Variants in CISD1 observed in about 807,000 individuals in gnomAD.
CISD1 encodes CDGSH iron-sulfur domain-containing protein 1.
In CISD1, 8 loss-of-function variants were observed where a neutral mutation model predicts 12.0. The observed-to-expected ratio is 0.67, with a 90% confidence interval of 0.39 to 1.20. The LOEUF is 1.20. Ranked by LOEUF, CISD1 falls within the 50% of genes most tolerant of loss-of-function variation. CISD1 has a pLI of 0.01. For synonymous variants in CISD1, 38 were observed against 42.2 expected, an observed-to-expected ratio of 0.90 and a Z score of 0.39; for missense variants, 107 against 132.7, an observed-to-expected ratio of 0.81 and a Z score of 0.95.
intron 2 of CISD1, among the ~76,000 whole-genome samples, chr10:58,287,112 G>T (rs1839437142): frequency 6.6e-6 from 1 of 152,060 alleles, no homozygotes; most frequent in South Asian, 2.1e-4. Context: ...GTAGAGACAG[G>T]GTTTCACCAT....
At chr10:58,278,627 C>T (rs1308269752) in intron 2 of CISD1, among the ~76,000 whole-genome samples, 3 of 152,132 alleles carry the variant, frequency 2.0e-5, no homozygotes, top group Non-Finnish European at 2.9e-5. Flanking sequence ...TTTGAAAGCA[C>T]GTTATGTTGG....
chr10:58,274,996 G>A (rs1427795705), intron 1 of CISD1, among the ~76,000 whole-genome samples: 1 of 152,114 alleles, frequency 6.6e-6, no homozygotes, highest in Admixed American at 6.6e-5. Context: ...CTAACCAATT[G>A]TAGTTCTTTG....
At chr10:58,272,253 G>C (rs993081295) in intron 1 of CISD1, among the ~76,000 whole-genome samples, 1 of 146,350 alleles carries the variant, frequency 6.8e-6, no homozygotes, top group African/African-American at 2.5e-5. Flanking sequence ...AACTATACCA[G>C]GTAATTTTGA....
chr10:58,276,931 A>G (rs1183917563), intron 1 of CISD1, among the ~76,000 whole-genome samples, 186 bp from the exon 2 acceptor site: 11 of 152,302 alleles, frequency 7.2e-5, no homozygotes, highest in Admixed American at 2.6e-4. Context: ...AATTGCTTCA[A>G]TAAGGGCCAG....
chr10:58,273,748 G>A (rs1216524296), intron 1 of CISD1, among the ~76,000 whole-genome samples: 1 of 152,224 alleles, frequency 6.6e-6, no homozygotes, highest in Non-Finnish European at 1.5e-5. Flanking sequence ...AATGGTATTT[G>A]TGTAGATATA....
chr10:58,275,007 G>T (rs531298881), intron 1 of CISD1, among the ~76,000 whole-genome samples: 53 of 152,218 alleles, frequency 3.5e-4, no homozygotes, highest in African/African-American at 1.3e-3. Context: ...TAGTTCTTTG[G>T]ATCTCAGGAC....
chr10:58,282,712 T>TA (rs2132283420), intron 2 of CISD1, among the ~76,000 whole-genome samples: 1 of 152,278 alleles, frequency 6.6e-6, no homozygotes, highest in Non-Finnish European at 1.5e-5. Flanking sequence ...CAGGGAAAGA[T>TA]ACTATTTGAG....
intron 2 of CISD1, among the ~76,000 whole-genome samples, chr10:58,284,505 A>G (rs1215484993): frequency 6.6e-6 from 1 of 152,226 alleles, no homozygotes; most frequent in Non-Finnish European, 1.5e-5. Context: ...TAAAAGCTTT[A>G]TACACTTTAA....
intron 1 of CISD1, among the ~76,000 whole-genome samples, chr10:58,274,425 GT>G (rs1839287308): frequency 7.4e-6 from 1 of 134,910 alleles, no homozygotes; most frequent in South Asian, 2.6e-4. Flanking sequence ...CACTCATGAA[GT>G]GATAAAATAA....
At chr10:58,279,896 C>T (rs750275461) in intron 2 of CISD1, among the ~76,000 whole-genome samples, 6 of 152,036 alleles carry the variant, frequency 3.9e-5, no homozygotes, top group Non-Finnish European at 5.9e-5. Flanking sequence ...CTTTGAGAAG[C>T]CAAGGCAGGA....
At chr10:58,287,528 T>A in intron 2 of CISD1, 33 bp from the exon 3 acceptor site, 1 of 1,478,598 alleles carries the variant, frequency 6.8e-7, no homozygotes, top group Admixed American at 1.8e-5. Flanking sequence ...ATTTTGAGAT[T>A]AGATGTTTCA....
intron 1 of CISD1, among the ~76,000 whole-genome samples, chr10:58,269,730 A>T (rs541784076): frequency 1.3e-5 from 2 of 152,326 alleles, no homozygotes; most frequent in African/African-American, 4.8e-5. Flanking sequence ...GCAATCCTGA[A>T]GCATTGCGTG....
At chr10:58,274,893 A>T (rs1187014312) in intron 1 of CISD1, among the ~76,000 whole-genome samples, 1 of 152,180 alleles carries the variant, frequency 6.6e-6, no homozygotes, top group Non-Finnish European at 1.5e-5. Flanking sequence ...GGATTTAATG[A>T]CTAGGAGAGA....
At chr10:58,271,315 C>G (rs1384479005) in intron 1 of CISD1, among the ~76,000 whole-genome samples, 1 of 152,102 alleles carries the variant, frequency 6.6e-6, no homozygotes, top group Non-Finnish European at 1.5e-5. Flanking sequence ...GCTGGGATTA[C>G]AGGCGTGAGC....
intron 1 of CISD1, among the ~76,000 whole-genome samples, chr10:58,275,757 T>C (rs868836456): frequency 2.4e-4 from 37 of 152,048 alleles, no homozygotes; most frequent in African/African-American, 8.9e-4. Context: ...ATGAGCAAAA[T>C]GCAGGAATAA....
At chr10:58,269,831 G>A (rs1839223244) in intron 1 of CISD1, among the ~76,000 whole-genome samples, 1 of 151,976 alleles carries the variant, frequency 6.6e-6, no homozygotes, top group Non-Finnish European at 1.5e-5. Flanking sequence ...TTATTCCTCT[G>A]GCATCTGACA....
chr10:58,288,568 A>T lies in CISD1; in HGVS notation c.*918A>T, dbSNP rs1839455114. 1 of 152,214 alleles carries T rather than the reference A, an allele frequency of 6.6e-6. No homozygotes were observed. The allele number at this position is 152,214 out of a possible 1,614,324, so 9.4% of individuals were successfully genotyped here. A position where few individuals can be genotyped will look rare whatever the true frequency, so the allele number is the denominator to read the frequency against. ...CTAGCTAATCAAGCACATGGCTTTTAAATTGTATGATCTTTTTCTTAAAAG... is the reference window on the plus strand; with the variant it reads ...CTAGCTAATCAAGCACATGGCTTTTTAATTGTATGATCTTTTTCTTAAAAG... On this transcript the variant is annotated 3_prime_UTR_variant, in exon 3 of 3. Coordinates refer to ENST00000333926, the MANE Select transcript of CISD1 (RefSeq NM_018464.5).
chr10:58,269,172 A>G lies in CISD1; in HGVS notation c.-102A>G, dbSNP rs1839206176. 4.8e-6 allele frequency: 6 copies of G among 1,242,770 alleles called. No homozygotes were observed. The highest frequency in any genetic ancestry group is 7.0e-6 in the Non-Finnish European group (6 of 859,794). 77.0% of individuals were successfully genotyped at this position (1,242,770 alleles called of 1,614,324 possible). A position where few individuals can be genotyped will look rare whatever the true frequency, so the allele number is the denominator to read the frequency against. On this transcript the variant is annotated 5_prime_UTR_variant, in exon 1 of 3. Transcript: ENST00000333926. ...CGGCGCCTGCGCGGTAGCATCGCGG[A>G]GTCGGTGCTTTAGTACGCCGCTGGC...
At chr10:58,270,293 G>T (rs1348901986) in intron 1 of CISD1, among the ~76,000 whole-genome samples, 1 of 152,108 alleles carries the variant, frequency 6.6e-6, no homozygotes, top group Non-Finnish European at 1.5e-5. Context: ...AAATTTACCT[G>T]GCTAAGGGTG....
Sources: gnomAD v4.1 joint callset for allele counts (sites outside exome capture counted in the v4.1 genomes callset) on GRCh38, gnomAD v4.1.1 for gene constraint, MANE v1.5 for transcripts, NCBI Gene and HGNC (gene_info 2026-07-23, HGNC 2026-07-21) for gene names.